Variants in GPD2 observed in about 807,000 individuals in gnomAD.
The protein encoded by GPD2 is glycerol-3-phosphate dehydrogenase 2.
A neutral mutation model predicts 82.4 loss-of-function variants in GPD2; 54 were observed. The ratio of observed to expected loss-of-function variants is 0.66; its 90% CI spans 0.53 to 0.82. The LOEUF (loss-of-function observed/expected upper bound fraction) is 0.82, where lower values mean the gene tolerates loss of function less well. Among genes scored for constraint, GPD2 ranks in the 40% least tolerant of loss-of-function variants. The pLI is 0.00. For missense variants in GPD2, 748 were observed against 896.2 expected, an observed-to-expected ratio of 0.83 and a Z score of 2.11; for synonymous variants, 288 against 306.1, an observed-to-expected ratio of 0.94 and a Z score of 0.62.
chr2:156,497,048 A>G (rs953790432), intron 3 of GPD2, among the ~76,000 whole-genome samples: 1 of 152,230 alleles, frequency 6.6e-6, no homozygotes, highest in African/African-American at 2.4e-5. Context: ...GCTCTTGGAT[A>G]TGTTGTGTTT....
chr2:156,551,974 T>C (rs181200835), intron 8 of GPD2, among the ~76,000 whole-genome samples: 1 of 152,156 alleles, frequency 6.6e-6, no homozygotes, highest in Non-Finnish European at 1.5e-5. Context: ...GTGTAGAACC[T>C]ATGATATTTT....
intron 6 of GPD2, among the ~76,000 whole-genome samples, chr2:156,515,812 A>G (rs1176809571): frequency 6.6e-6 from 1 of 152,238 alleles, no homozygotes; most frequent in African/African-American, 2.4e-5. Context: ...TTGTTCTGAA[A>G]TGGTACAGGC....
intron 8 of GPD2, among the ~76,000 whole-genome samples, chr2:156,554,118 G>C (rs1340425271): frequency 6.6e-6 from 1 of 152,212 alleles, no homozygotes; most frequent in Non-Finnish European, 1.5e-5. Context: ...ATTCAGGACT[G>C]ACCTTGAGGC....
the GPD2 span, among the ~76,000 whole-genome samples, chr2:156,426,145 G>C: frequency 6.6e-5 from 10 of 151,918 alleles, no homozygotes; most frequent in African/African-American, 2.2e-4. Flanking sequence ...GGATAGTCTC[G>C]ATCTCCTGAC....
intron 3 of GPD2, among the ~76,000 whole-genome samples, chr2:156,508,102 T>A (rs1251970438): frequency 6.6e-6 from 1 of 151,984 alleles, no homozygotes. Flanking sequence ...AAACAACAAT[T>A]ATCATCAGCC....
chr2:156,514,641 A>T (rs974663990), intron 6 of GPD2, among the ~76,000 whole-genome samples: 5 of 152,038 alleles, frequency 3.3e-5, no homozygotes, highest in African/African-American at 1.2e-4. Flanking sequence ...ATGTACAGAG[A>T]GGGAAAAGGG....
At chr2:156,503,180 C>T (rs970614779) in intron 3 of GPD2, among the ~76,000 whole-genome samples, 2 of 152,136 alleles carry the variant, frequency 1.3e-5, no homozygotes, top group African/African-American at 4.8e-5. Context: ...AGCTTGTCAA[C>T]CTCCTTGCAC....
At chr2:156,420,404 C>T in the GPD2 span, among the ~76,000 whole-genome samples, 2 of 152,130 alleles carry the variant, frequency 1.3e-5, no homozygotes, top group Non-Finnish European at 2.9e-5. Context: ...ATCTCCTGAC[C>T]TCATGATCAG....
At chr2:156,557,728 AT>A (rs1318597923) in intron 9 of GPD2, 146 bp downstream of exon 9, 1 of 682,396 alleles carries the variant, frequency 1.5e-6, no homozygotes, top group African/African-American at 1.8e-5. Flanking sequence ...TGAGGGCCAA[AT>A]TTTAACATAA....
At chr2:156,504,920 G>C (rs1032654490) in intron 3 of GPD2, among the ~76,000 whole-genome samples, 1 of 151,918 alleles carries the variant, frequency 6.6e-6, no homozygotes, top group Admixed American at 6.6e-5. Flanking sequence ...GTCAACTGTG[G>C]TTATCTCTGA....
chr2:156,520,859 T>C (rs748382301), intron 6 of GPD2, among the ~76,000 whole-genome samples: 2 of 152,196 alleles, frequency 1.3e-5, no homozygotes, highest in Non-Finnish European at 2.9e-5. Context: ...GTGCTGGGAT[T>C]GCAGGCGTGA....
intron 11 of GPD2, 52 bp from the exon 12 acceptor site, chr2:156,570,035 T>C (rs972424591): frequency 3.1e-5 from 48 of 1,554,816 alleles, no homozygotes; most frequent in Non-Finnish European, 4.1e-5. Context: ...GCTTTGTGCC[T>C]AGAAGCTATT....
At chr2:156,444,088 A>G (rs900116975) in intron 1 of GPD2, among the ~76,000 whole-genome samples, 2 of 152,162 alleles carry the variant, frequency 1.3e-5, no homozygotes, top group Non-Finnish European at 2.9e-5. Flanking sequence ...GACTGGATGA[A>G]TTTGAAGTCC....
chr2:156,476,066 A>G (rs1329807875), intron 1 of GPD2, 32 bp from the exon 2 acceptor site: 5 of 1,100,126 alleles, frequency 4.5e-6, no homozygotes, highest in Admixed American at 1.7e-5. Flanking sequence ...TATCCCAATT[A>G]ACTTCTTTTT....
intron 6 of GPD2, among the ~76,000 whole-genome samples, chr2:156,516,587 C>T (rs1245990810): frequency 1.3e-5 from 2 of 152,166 alleles, no homozygotes; most frequent in Non-Finnish European, 2.9e-5. Context: ...TTACACTTAG[C>T]ATGTGCCACT....
rs1276726501 is a variant in GPD2, at chr2:156,482,118, T to C, written c.102+5911T>C. 2.0e-5 allele frequency among the ~76,000 whole-genome samples: 3 copies of C among 152,226 alleles called. No homozygotes were observed. The East Asian group carries it at 5.8e-4, about 29-fold the overall frequency. ...CAAGGGATATGAATATAAAGTGCGG[T>C]TGTAGTCAGCAAGCAAGTTGCTCTT... is the stretch of plus-strand genomic sequence containing the variant. On this transcript the variant is annotated intron_variant, in intron 2 of 16. Coordinates refer to ENST00000438166, the MANE Select transcript of GPD2 (RefSeq NM_000408.5).
intron 6 of GPD2, among the ~76,000 whole-genome samples, chr2:156,544,301 G>A (rs568651894): frequency 6.6e-6 from 1 of 152,246 alleles, no homozygotes; most frequent in Non-Finnish European, 1.5e-5. Flanking sequence ...TGACATTGGT[G>A]GAGGACAAGG....
chr2:156,497,777 G>A (rs1684438353), intron 3 of GPD2, among the ~76,000 whole-genome samples: 1 of 152,086 alleles, frequency 6.6e-6, no homozygotes, highest in African/African-American at 2.4e-5. Context: ...CAAAATACAG[G>A]CACAGGAAGT....
At chr2:156,433,892 C>T (rs533636012), upstream of GPD2, among the ~76,000 whole-genome samples, 1 of 152,254 alleles carries the variant, frequency 6.6e-6, no homozygotes, top group South Asian at 2.1e-4. Flanking sequence ...AAGCACTGAA[C>T]TGATCTGGGA....
Sources: allele counts gnomAD v4.1 joint callset (sites outside exome capture counted in the v4.1 genomes callset), GRCh38; gene constraint gnomAD v4.1.1; transcripts MANE v1.5; gene names NCBI Gene and HGNC (gene_info 2026-07-23, HGNC 2026-07-21).